Variants in STYXL1 observed in about 807,000 individuals in gnomAD.
STYXL1 encodes serine/threonine/tyrosine-interacting-like protein 1.
STYXL1 carries 32 observed loss-of-function variants against 36.4 expected under a neutral mutation model. The ratio of observed to expected loss-of-function variants is 0.88; its 90% CI spans 0.66 to 1.18. The LOEUF (loss-of-function observed/expected upper bound fraction) is 1.18, where lower values mean the gene tolerates loss of function less well. STYXL1 is among the 50% of genes most tolerant of loss of function. STYXL1 has a pLI of 0.00. For missense variants in STYXL1, 354 were observed against 394.1 expected (o/e 0.90, Z 0.86); for synonymous variants, 133 against 144.1 (o/e 0.92, Z 0.55).
intron 8 of STYXL1, among the ~76,000 whole-genome samples, chr7:75,999,580 T>C (rs2116728413): frequency 6.6e-6 from 1 of 150,932 alleles, no homozygotes; most frequent in East Asian, 2.0e-4. Context: ...AGAGTTTCGC[T>C]CTTGTCACCC....
rs151201251 is a variant in STYXL1, at chr7:76,046,435, C to T, written c.-5+1227G>A. On this transcript the variant is annotated intron_variant, in intron 1 of 8. Transcript: ENST00000359697. The stretch of plus-strand genomic sequence containing the variant: ...AATCTTGGCTCACAGCAACCTCCAC[C>T]TCCTGGGTTCAAGGGATTCTCCTGC... Among the ~76,000 whole-genome samples, 213 of 152,148 alleles carry T rather than the reference C, an allele frequency of 1.4e-3. 9 individuals are homozygous for T. The South Asian group carries it at 0.04, about 28-fold the overall frequency.
At position 76,021,995 on chromosome 7, in the gene STYXL1, T is replaced by C. The variant is rs782489044; in HGVS notation, c.166-3A>G. ...GGGAGAAGATATTCATTATTTTTCT[T>C]AAAAAAAAAAACACACACACACAAG... On this transcript the variant is annotated splice_polypyrimidine_tract_variant and splice_region_variant and intron_variant, in intron 3 of 8. Coordinates refer to ENST00000359697, the MANE Select transcript of STYXL1 (RefSeq NM_001317785.2). The C allele has an allele frequency of 1.9e-5, 24 of 1,277,158 alleles. No homozygotes were observed. The highest frequency in any genetic ancestry group is 4.6e-5 in the African/African-American group (3 of 64,960). 79.1% of individuals were successfully genotyped at this position (1,277,158 alleles called of 1,614,324 possible).
At position 75,996,400 on chromosome 7, in the gene STYXL1, T is replaced by C. The variant is rs782212949; in HGVS notation, c.*68A>G. 1 of 1,613,220 alleles carries C rather than the reference T, an allele frequency of 6.2e-7. No individual in the cohort carries two copies. Among genetic ancestry groups the C allele is most frequent in the Non-Finnish European group, 8.5e-7 (1 of 1,179,584 alleles). ...CAGACAAGCCTGGGTATACACACTC[T>C]GGCCCTCCACCCACAAAATGCCCCC... On this transcript the variant is annotated 3_prime_UTR_variant, in exon 9 of 9. Coordinates refer to ENST00000359697, the MANE Select transcript of STYXL1 (RefSeq NM_001317785.2).
intron 5 of STYXL1, among the ~76,000 whole-genome samples, chr7:76,007,774 C>T (rs1268515088): frequency 3.3e-5 from 5 of 150,558 alleles, no homozygotes; most frequent in African/African-American, 4.9e-5. Context: ...ATAAAAAATT[C>T]GCCAGGCATG....
chr7:76,000,326 G>T, intron 8 of STYXL1: 1 of 432,156 alleles, frequency 2.3e-6, no homozygotes, highest in Admixed American at 2.4e-5. Flanking sequence ...TTTATTCTTT[G>T]TCCCTCTCCT....
At chr7:76,017,313 G>A (rs1050823437) in intron 4 of STYXL1, among the ~76,000 whole-genome samples, 29 of 151,936 alleles carry the variant, frequency 1.9e-4, no homozygotes, top group Non-Finnish European at 4.0e-4. Context: ...ATGAGCCACC[G>A]TGCCCGGCCC....
At chr7:76,017,130 C>T (rs1382605219) in intron 4 of STYXL1, among the ~76,000 whole-genome samples, 4 of 152,110 alleles carry the variant, frequency 2.6e-5, no homozygotes, top group Non-Finnish European at 4.4e-5. Flanking sequence ...TCAATCAATT[C>T]TCCTGCCTCA....
At chr7:76,013,645 T>C in intron 5 of STYXL1, 97 bp downstream of exon 5, 1 of 1,550,518 alleles carries the variant, frequency 6.4e-7, no homozygotes, top group South Asian at 1.1e-5. Flanking sequence ...ATATCCTCTG[T>C]CCCATCCTCC....
In STYXL1 at chr7:76,028,691, T is replaced by C; in HGVS notation, c.116A>G (p.Lys39Arg). 1 of 1,614,166 alleles carries C rather than the reference T, an allele frequency of 6.2e-7. No homozygotes were observed. The highest frequency in any genetic ancestry group is 1.3e-5 in the African/African-American group (1 of 75,072). ...NYLCLLDVRS[K>R]WEYDESHVIT... ...CACATGGCTTTCGTCATACTCCCAT[T>C]TGGAACGGACATCTGGAAAGGAAAC... Residue 39 changes from lysine (K) to arginine (R), a missense_variant, in exon 3 of 9, where the codon AAA (lysine) becomes AGA (arginine). By Grantham distance (26) the Lys-to-Arg change is conservative. Coordinates refer to ENST00000359697, the MANE Select transcript of STYXL1 (RefSeq NM_001317785.2).
intron 1 of STYXL1, among the ~76,000 whole-genome samples, chr7:76,043,048 G>A (rs782182580): frequency 2.0e-5 from 3 of 152,188 alleles, no homozygotes; most frequent in Non-Finnish European, 4.4e-5. Context: ...AATTTGTTGG[G>A]GCAAAGGATA....
At chr7:76,013,719 C>T in intron 5 of STYXL1, 23 bp downstream of exon 5, 1 of 1,613,782 alleles carries the variant, frequency 6.2e-7, no homozygotes, top group South Asian at 1.1e-5. Context: ...CTGGGCCTGC[C>T]TGTGCTCAGC....
chr7:76,006,397 T>C (rs1486136340), intron 5 of STYXL1, among the ~76,000 whole-genome samples: 2 of 152,048 alleles, frequency 1.3e-5, no homozygotes, highest in African/African-American at 4.8e-5. Flanking sequence ...CCAGTGTATG[T>C]GCAGAGGGGT....
At chr7:76,042,716 T>C (rs1485071293) in intron 1 of STYXL1, among the ~76,000 whole-genome samples, 1 of 152,058 alleles carries the variant, frequency 6.6e-6, no homozygotes, top group Non-Finnish European at 1.5e-5. Context: ...CCTTATGTGC[T>C]TTTCTCCACA....
At chr7:76,017,540 C>A (rs1284726310) in intron 4 of STYXL1, among the ~76,000 whole-genome samples, 2 of 151,844 alleles carry the variant, frequency 1.3e-5, no homozygotes, top group Non-Finnish European at 2.9e-5. Context: ...TGCGGAACAA[C>A]ACACCCTGAA....
chr7:76,028,137 C>T (rs1237062810), intron 3 of STYXL1, among the ~76,000 whole-genome samples: 3 of 152,130 alleles, frequency 2.0e-5, no homozygotes, highest in South Asian at 2.1e-4. Flanking sequence ...CAGGTCCAAG[C>T]GATTCTCATG....
chr7:76,030,486 T>TA lies in STYXL1; in HGVS notation c.37dup (p.Tyr13LeufsTer31). On this transcript the variant is annotated frameshift_variant, in exon 2 of 9. Coordinates refer to ENST00000359697, the MANE Select transcript of STYXL1 (RefSeq NM_001317785.2). LOFTEE classifies it high-confidence loss of function. ...TTTTGTGGCCTGATTCAGGATGTTG[T>TA]AAAGCTCTGTTGGTTCACATAAAAG... is the stretch of plus-strand genomic sequence containing the variant. 1 of 1,613,998 alleles carries TA rather than the reference T, an allele frequency of 6.2e-7. No individual in the cohort carries two copies. The highest frequency in any genetic ancestry group is 1.1e-5 in the South Asian group (1 of 91,086).
In STYXL1 at chr7:76,013,924, G is replaced by A. The variant is rs372178360; in HGVS notation, c.308-37C>T. ...GACCAAAGACATGAATGTCTCCTGTGTATCTGCCATTGGTCTAGAGCTGGG... is the reference window on the plus strand; with the variant it reads ...GACCAAAGACATGAATGTCTCCTGTATATCTGCCATTGGTCTAGAGCTGGG... On this transcript the variant is annotated intron_variant, in intron 4 of 8. Coordinates refer to ENST00000359697, the MANE Select transcript of STYXL1 (RefSeq NM_001317785.2). The A allele has an allele frequency of 3.0e-5, 47 of 1,577,142 alleles. No individual in the cohort carries two copies. In the African/African-American group the frequency reaches 6.1e-4, roughly 20 times the overall value.
At chr7:76,009,744 A>T (rs1792326161) in intron 5 of STYXL1, among the ~76,000 whole-genome samples, 1 of 152,134 alleles carries the variant, frequency 6.6e-6, no homozygotes, top group African/African-American at 2.4e-5. Flanking sequence ...AGGTCTTACT[A>T]TGTTGCCCAG....
At chr7:76,015,619 C>T (rs1453241372) in intron 4 of STYXL1, among the ~76,000 whole-genome samples, 1 of 152,174 alleles carries the variant, frequency 6.6e-6, no homozygotes, top group Non-Finnish European at 1.5e-5. Context: ...AGCTATGCAT[C>T]CAACAAAGAT....
Sources: allele counts gnomAD v4.1 joint callset (sites outside exome capture counted in the v4.1 genomes callset), GRCh38; gene constraint gnomAD v4.1.1; transcripts MANE v1.5; gene names NCBI Gene and HGNC (gene_info 2026-07-23, HGNC 2026-07-21).